The following CRYBA4 variants were observed in gnomAD, a reference collection of about 807,000 sequenced individuals.
CRYBA4 encodes the protein crystallin beta A4.
A neutral mutation model predicts 31.7 loss-of-function variants in CRYBA4; 30 were observed. That is an observed-to-expected ratio of 0.95 (90% CI 0.71 to 1.28). The LOEUF is 1.28. Ranked by LOEUF, CRYBA4 falls within the 50% of genes most tolerant of loss-of-function variation. CRYBA4 has a pLI of 0.00. For missense variants in CRYBA4, 225 were observed against 260.7 expected, an observed-to-expected ratio of 0.86 and a Z score of 0.94; for synonymous variants, 102 against 102.3, an observed-to-expected ratio of 1.00 and a Z score of 0.02.
intron 4 of CRYBA4, among the ~76,000 whole-genome samples, chr22:26,627,428 T>TTTC (rs1929763844): frequency 6.8e-5 from 7 of 102,212 alleles, no homozygotes; most frequent in Non-Finnish European, 1.1e-4. Flanking sequence ...TTCTTTCTTT[T>TTTC]TCTTTCTTTC....
At chr22:26,627,426 T>TTCTTTCTTTCTTTCTTTTTC (rs1431636604) in intron 4 of CRYBA4, among the ~76,000 whole-genome samples, 1 of 75,322 alleles carries the variant, frequency 1.3e-5, no homozygotes, top group Non-Finnish European at 2.3e-5. Flanking sequence ...CTTTCTTTCT[T>TTCTTTCTTTCTTTCTTTTTC]TTTCTTTCTT....
chr22:26,604,407 TCAC>T, the CRYBA4 span, among the ~76,000 whole-genome samples: 1 of 152,246 alleles, frequency 6.6e-6, no homozygotes, highest in Non-Finnish European at 1.5e-5. Context: ...CTACTGTTAT[TCAC>T]CACCACTAGG....
the CRYBA4 span, among the ~76,000 whole-genome samples, chr22:26,600,850 G>C: frequency 6.6e-6 from 1 of 152,172 alleles, no homozygotes; most frequent in Non-Finnish European, 1.5e-5. Context: ...CCAAATCCTA[G>C]AAACCTCTCC....
the CRYBA4 span, among the ~76,000 whole-genome samples, chr22:26,607,172 G>A: frequency 6.6e-6 from 1 of 151,814 alleles, no homozygotes; most frequent in Non-Finnish European, 1.5e-5. Flanking sequence ...ACAGGCATGC[G>A]CCACCACGCC....
the CRYBA4 span, among the ~76,000 whole-genome samples, chr22:26,610,994 G>A: frequency 6.6e-6 from 1 of 152,176 alleles, no homozygotes; most frequent in East Asian, 1.9e-4. Flanking sequence ...TCCTGGGGCT[G>A]CCCCTCCACC....
chr22:26,613,067 A>G, the CRYBA4 span, among the ~76,000 whole-genome samples: 1 of 152,148 alleles, frequency 6.6e-6, no homozygotes, highest in East Asian at 1.9e-4. Context: ...AGGTTGATCA[A>G]TTTCTGTATC....
the CRYBA4 span, chr22:26,612,033 T>C: frequency 6.9e-7 from 1 of 1,439,220 alleles, no homozygotes; most frequent in South Asian, 1.1e-5. Context: ...GTCATTTTAC[T>C]GTGGCAGAGA....
upstream of CRYBA4, chr22:26,621,891 G>A (rs769274761): frequency 3.1e-5 from 25 of 811,222 alleles, no homozygotes; most frequent in Non-Finnish European, 3.6e-5. Context: ...TTGCTGAGTC[G>A]GGGCTTTGTC....
At chr22:26,600,516 T>C in the CRYBA4 span, among the ~76,000 whole-genome samples, 1 of 152,250 alleles carries the variant, frequency 6.6e-6, no homozygotes, top group African/African-American at 2.4e-5. Flanking sequence ...GCCATTGATT[T>C]ACTAGCTGTG....
chr22:26,625,686 A>G, intron 4 of CRYBA4, 64 bp downstream of exon 4: 1 of 1,551,236 alleles, frequency 6.4e-7, no homozygotes. Context: ...CTTCGGAATC[A>G]AAGGTTCCAG....
chr22:26,630,623 C>A lies in CRYBA4; in HGVS notation c.*136C>A. The A allele has an allele frequency of 1.4e-6, 1 of 690,044 alleles. No homozygotes were observed. Among genetic ancestry groups the A allele is most frequent in the Non-Finnish European group, 2.5e-6 (1 of 402,994 alleles). The allele number at this position is 690,044 out of a possible 1,614,324, so 42.7% of individuals were successfully genotyped here. A position where few individuals can be genotyped will look rare whatever the true frequency, so the allele number is the denominator to read the frequency against. On this transcript the variant is annotated 3_prime_UTR_variant, in exon 6 of 6. Coordinates refer to ENST00000354760, the MANE Select transcript of CRYBA4 (RefSeq NM_001886.3). The stretch of plus-strand genomic sequence containing the variant: ...GCACCCATGTGAACTGGTCCGTGCA[C>A]AGTCAGCACAAAAAACTCAAACGAA...
chr22:26,595,931 C>T, the CRYBA4 span, among the ~76,000 whole-genome samples: 349 of 149,244 alleles, frequency 2.3e-3, 2 homozygotes, highest in African/African-American at 7.9e-3. Context: ...CACCACTGCA[C>T]CCAGCTTATT....
At chr22:26,605,542 T>TGC in the CRYBA4 span, among the ~76,000 whole-genome samples, 1 of 151,746 alleles carries the variant, frequency 6.6e-6, no homozygotes, top group African/African-American at 2.4e-5. Context: ...GGCGTGGCGG[T>TGC]GCACACCTAT....
At chr22:26,616,399 C>G in the CRYBA4 span, 1 of 1,128,792 alleles carries the variant, frequency 8.9e-7, no homozygotes, top group Non-Finnish European at 1.3e-6. Context: ...CCCTCATAGC[C>G]CCACATCCTG....
chr22:26,610,288 G>A, the CRYBA4 span, among the ~76,000 whole-genome samples: 3 of 152,074 alleles, frequency 2.0e-5, no homozygotes, highest in African/African-American at 4.8e-5. Flanking sequence ...CAGTCTCCTG[G>A]GTTTCAGGCA....
the CRYBA4 span, among the ~76,000 whole-genome samples, chr22:26,605,364 A>T: frequency 3.3e-5 from 5 of 152,284 alleles, no homozygotes; most frequent in Admixed American, 3.3e-4. Context: ...AGAGCCTAGA[A>T]CCAGAGCCTG....
At chr22:26,609,902 G>T in the CRYBA4 span, among the ~76,000 whole-genome samples, 1 of 152,156 alleles carries the variant, frequency 6.6e-6, no homozygotes, top group African/African-American at 2.4e-5. Flanking sequence ...ACCTTGTTGG[G>T]AGATTATGAG....
At chr22:26,598,329 CCTTT>C in the CRYBA4 span, among the ~76,000 whole-genome samples, 1 of 152,068 alleles carries the variant, frequency 6.6e-6, no homozygotes, top group Non-Finnish European at 1.5e-5. Context: ...TTCCTTCCTT[CCTTT>C]CTCTCTCTCT....
the CRYBA4 span, among the ~76,000 whole-genome samples, chr22:26,611,459 T>TGTTTTTG: frequency 7.4e-6 from 1 of 134,684 alleles, no homozygotes; most frequent in African/African-American, 2.6e-5. Flanking sequence ...AGTTTGTTTT[T>TGTTTTTG]TTTTTTTTTG....
Sources: allele counts gnomAD v4.1 joint callset (sites outside exome capture counted in the v4.1 genomes callset), GRCh38; gene constraint gnomAD v4.1.1; transcripts MANE v1.5; gene names NCBI Gene and HGNC (gene_info 2026-07-23, HGNC 2026-07-21).